Variants in CAPNS1 observed in about 807,000 individuals in gnomAD.
The protein encoded by CAPNS1 is CANP small subunit.
CAPNS1 carries 32 observed loss-of-function variants against 39.2 expected under a neutral mutation model. That is an observed-to-expected ratio of 0.82 (90% confidence interval 0.62 to 1.10). The LOEUF (loss-of-function observed/expected upper bound fraction) is 1.10, where lower values mean the gene tolerates loss of function less well. CAPNS1 is among the 50% of genes least tolerant of loss of function. The pLI is 0.00. For synonymous variants in CAPNS1, 153 were observed against 136.2 expected (o/e 1.12, Z -0.86); for missense variants, 353 against 373.1 (o/e 0.95, Z 0.44).
chr19:36,148,339 CAA>C (rs10712025), intron 9 of CAPNS1: 24 of 137,934 alleles, frequency 1.7e-4, no homozygotes, highest in Admixed American at 2.8e-4. Context: ...TCCATCTCTA[CAA>C]AAAAAAAAAA....
chr19:36,142,558 C>A, intron 3 of CAPNS1, 94 bp from the exon 4 acceptor site: 1 of 950,186 alleles, frequency 1.1e-6, no homozygotes, highest in Non-Finnish European at 1.7e-6. Context: ...AGCTGCCCAG[C>A]CCACTCTGAC....
Position 36,149,565 on chromosome 19 carries a change from TCTC to T in CAPNS1, c.722-5_722-3del, listed in dbSNP as rs756139280. ...CCTTCCCTGCCGCCAAACCTCTGCA[TCTC>T]CTCCTCCAGGTGCCTTCAAATCTCT... On this transcript the variant is annotated splice_polypyrimidine_tract_variant and intron_variant, in intron 9 of 10. Coordinates refer to ENST00000246533, the MANE Select transcript of CAPNS1 (RefSeq NM_001749.4). 7.5e-6 allele frequency: 11 copies of T among 1,468,400 alleles called. No homozygotes were observed. The East Asian group carries it at 7.7e-5, about 10-fold the overall frequency. The allele number at this position is 1,468,400 out of a possible 1,614,324, so 91.0% of individuals were successfully genotyped here.
At position 36,149,892 on chromosome 19, in the gene CAPNS1, G is replaced by A; in HGVS notation, c.*53G>A. On this transcript the variant is annotated 3_prime_UTR_variant, in exon 11 of 11. Transcript: ENST00000246533. ...TGCCTTGCTATAGGAGTCACCTGGA[G>A]CCTCGGTCTCTCCCAGGGCCGATCC... is the stretch of plus-strand genomic sequence containing the variant. 7.2e-7 allele frequency: 1 copy of A among 1,388,718 alleles called. No individual in the cohort carries two copies. Among genetic ancestry groups the A allele is most frequent in the South Asian group, 1.8e-5 (1 of 54,744 alleles). The allele number at this position is 1,388,718 out of a possible 1,614,324, so 86.0% of individuals were successfully genotyped here.
At chr19:36,145,745 C>A in intron 6 of CAPNS1, 61 bp from the exon 7 acceptor site, 1 of 1,395,608 alleles carries the variant, frequency 7.2e-7, no homozygotes, top group Non-Finnish European at 1.0e-6. Context: ...ATCGTGTCCA[C>A]AGTGCATGTG....
chr19:36,144,934 A>G (rs1204345489), intron 6 of CAPNS1, among the ~76,000 whole-genome samples: 4 of 152,198 alleles, frequency 2.6e-5, no homozygotes, highest in African/African-American at 9.7e-5. Flanking sequence ...TTAGCTCTTA[A>G]CTATGATCTT....
At chr19:36,147,635 G>A (rs542688832) in intron 9 of CAPNS1, among the ~76,000 whole-genome samples, 53 of 152,190 alleles carry the variant, frequency 3.5e-4, no homozygotes, top group South Asian at 8.3e-4. Flanking sequence ...GTGTGGTGGC[G>A]GGCGCCTGTA....
intron 6 of CAPNS1, 89 bp from the exon 7 acceptor site, chr19:36,145,717 C>T (rs1974537804): frequency 1.7e-6 from 2 of 1,159,898 alleles, no homozygotes; most frequent in African/African-American, 1.5e-5. Context: ...CCCTGGCTGC[C>T]CTGCTTGCTG....
chr19:36,144,704 G>C (rs1974502524), intron 6 of CAPNS1, among the ~76,000 whole-genome samples: 1 of 152,022 alleles, frequency 6.6e-6, no homozygotes, highest in Admixed American at 6.5e-5. Context: ...TTAACACATA[G>C]GGCAAACAGA....
rs780531281 is a variant in CAPNS1, at chr19:36,145,983, A to C, written c.533A>C (p.Tyr178Ser). Residue 178 changes from tyrosine (Y) to serine (S), a missense_variant, in exon 8 of 11, where the codon TAC becomes TCC. Physicochemically the swap from Tyr to Ser is moderately radical, Grantham distance 144. Coordinates refer to ENST00000246533, the MANE Select transcript of CAPNS1 (RefSeq NM_001749.4). ...WNNIKRWQAIYKQFDTDRSGT... is the reference protein window; with the variant it reads ...WNNIKRWQAISKQFDTDRSGT... ...ATGTCTCTGTCCTCACAGGCCATAT[A>C]CAAACAGTTCGACACTGACCGATCA... 11 of 1,614,086 alleles carry C rather than the reference A, an allele frequency of 6.8e-6. No homozygotes were observed. The highest frequency in any genetic ancestry group is 9.3e-6 in the Non-Finnish European group (11 of 1,180,028).
chr19:36,149,906 C>T lies in CAPNS1; in HGVS notation c.*67C>T. 7.4e-7 allele frequency: 1 copy of T among 1,345,152 alleles called. No individual in the cohort carries two copies. The highest frequency in any genetic ancestry group is 9.7e-7 in the Non-Finnish European group (1 of 1,026,684). 83.3% of individuals were successfully genotyped at this position (1,345,152 alleles called of 1,614,324 possible). On this transcript the variant is annotated 3_prime_UTR_variant, in exon 11 of 11. Transcript: ENST00000246533. ...AGTCACCTGGAGCCTCGGTCTCTCC[C>T]AGGGCCGATCCTGTCTGCAGTCACA... is the stretch of plus-strand genomic sequence containing the variant.
chr19:36,142,189 A>C, intron 2 of CAPNS1, 111 bp from the exon 3 acceptor site: 4 of 787,348 alleles, frequency 5.1e-6, no homozygotes, highest in Non-Finnish European at 7.0e-6. Context: ...ACAGCAACCA[A>C]GTAAGGAAGA....
At position 36,146,179 on chromosome 19, in the gene CAPNS1, G is replaced by T; in HGVS notation, c.605-17G>T. The stretch of plus-strand genomic sequence containing the variant: ...GGCCATGTGGCCCCCGCACCTGAAG[G>T]ACTACATCCATCTTAGGGTTCCACC... On this transcript the variant is annotated splice_polypyrimidine_tract_variant and intron_variant, in intron 8 of 10. Transcript: ENST00000246533. 2 of 1,597,526 alleles carry T rather than the reference G, an allele frequency of 1.3e-6. No individual in the cohort carries two copies. Among genetic ancestry groups the T allele is most frequent in the South Asian group, 2.2e-5 (2 of 90,674 alleles).
rs377344213 is a variant in CAPNS1 at position 36,145,813 on chromosome 19, C to T, written c.464C>T (p.Thr155Ile). ...TTAACACCCTCCCACCAGAGCGACACCACAGGCAAGCTGGGCTTTGAGGAA... is the reference window on the plus strand; with the variant it reads ...TTAACACCCTCCCACCAGAGCGACATCACAGGCAAGCTGGGCTTTGAGGAA... ...RSMVAVMDSD[T>I]TGKLGFEEFK... The change falls in exon 7 of 11, where the codon ACC becomes ATC. Residue 155 changes from threonine (T) to isoleucine (I), a missense_variant. Transcript: ENST00000246533. 6.2e-7 allele frequency: 1 copy of T among 1,614,088 alleles called. No homozygotes were observed.
chr19:36,145,203 C>T (rs796757090), intron 6 of CAPNS1, among the ~76,000 whole-genome samples: 8 of 118,284 alleles, frequency 6.8e-5, no homozygotes, highest in East Asian at 2.6e-4. Context: ...TTTTCTTTCT[C>T]TTTTTTTTTT....
At chr19:36,141,442 G>A in intron 2 of CAPNS1, 2 of 1,310,140 alleles carry the variant, frequency 1.5e-6, no homozygotes, top group Non-Finnish European at 1.9e-6. Flanking sequence ...TGATATGGGA[G>A]TAGTCTGATT....
chr19:36,140,950 G>T, intron 1 of CAPNS1, 47 bp from the exon 2 acceptor site: 1 of 1,587,600 alleles, frequency 6.3e-7, no homozygotes, highest in Non-Finnish European at 8.6e-7. Context: ...AAGGGAGGGT[G>T]TGGGCTCAGG....
At chr19:36,149,712 C>A in intron 10 of CAPNS1, 76 bp downstream of exon 10, 1 of 1,592,032 alleles carries the variant, frequency 6.3e-7, no homozygotes, top group Non-Finnish European at 8.6e-7. Flanking sequence ...CTCTGAGCTG[C>A]AGTCCCCTTC....
At chr19:36,140,431 C>G (rs1331965388) in intron 1 of CAPNS1, 1 of 152,566 alleles carries the variant, frequency 6.6e-6, no homozygotes, top group African/African-American at 2.4e-5. Context: ...ATCTGTGCCC[C>G]CAGTTCCAGC....
intron 10 of CAPNS1, 39 bp from the exon 11 acceptor site, chr19:36,149,774 G>A (rs762515689): frequency 6.3e-7 from 1 of 1,576,198 alleles, no homozygotes; most frequent in Non-Finnish European, 8.6e-7. Context: ...TGGTGCTCTT[G>A]GGGTTCCCTG....
Sources: allele counts gnomAD v4.1 joint callset (sites outside exome capture counted in the v4.1 genomes callset), GRCh38; gene constraint gnomAD v4.1.1; transcripts MANE v1.5; gene names NCBI Gene and HGNC (gene_info 2026-07-23, HGNC 2026-07-21).